Variants in MELTF observed in about 807,000 individuals in gnomAD.
MELTF encodes melanotransferrin.
In MELTF, 67 loss-of-function variants were observed where a neutral mutation model predicts 83.7. That is an observed-to-expected ratio of 0.80 (90% confidence interval 0.66 to 0.98). The LOEUF is 0.98. Ranked by LOEUF, MELTF falls within the 50% of genes least tolerant of loss-of-function variation. The pLI is 0.00. For missense variants in MELTF, 1,002 were observed against 1,035.6 expected (o/e 0.97, Z 0.44); for synonymous variants, 462 against 447.6 (o/e 1.03, Z -0.41).
Position 197,003,970 on chromosome 3 carries a change from G to T in MELTF, c.2068C>A (p.Arg690Ser). 6.2e-7 allele frequency: 1 copy of T among 1,614,170 alleles called. No individual in the cohort carries two copies. The highest frequency in any genetic ancestry group is 8.5e-7 in the Non-Finnish European group (1 of 1,180,034). ...ACGTAGTCCAGCCCCAGCCAGCCGC[G>T]GTAGGTGGTTTTCTCTCCGACAGGC... is the stretch of plus-strand genomic sequence containing the variant. ...AVPVGEKTTY[R>S]GWLGLDYVAA... Residue 690 changes from arginine (R) to serine (S), a missense_variant, in exon 15 of 16, where the codon CGC (arginine) becomes AGC (serine). By Grantham distance (110) the Arg-to-Ser change is moderately radical. Transcript: ENST00000296350. This position sits in a 1 kb window ranked among gnomAD's most constrained non-coding sequence, Gnocchi z 6.2.
At chr3:197,023,194 G>C in intron 4 of MELTF, 81 bp from the exon 5 acceptor site, 2 of 1,438,574 alleles carry the variant, frequency 1.4e-6, no homozygotes, top group Admixed American at 1.8e-5. Flanking sequence ...CAGGGGGCCC[G>C]GGCTCTCATC....
Position 197,019,720 on chromosome 3 carries a change from G to A in MELTF, c.712+1684C>T, listed in dbSNP as rs751989515. The stretch of plus-strand genomic sequence containing the variant: ...GGCTTGCCCAGCACTAGAGCGCATC[G>A]TCCTACGTGCTTCCTCGTGTGCAGG... On this transcript the variant is annotated intron_variant, in intron 6 of 15. Transcript: ENST00000296350. The A allele has an allele frequency of 3.0e-5, 48 of 1,612,810 alleles. No individual in the cohort carries two copies. The African/African-American group carries it at 3.3e-4, about 11-fold the overall frequency.
In MELTF at chr3:197,027,882, G is replaced by T; in HGVS notation, c.78C>A (p.Cys26Ter). ...TGTGCTGCTCTGGGTCCGAGGTGGC[G>T]CACCACCGCACCTCCATGCCACCGA... ...TVLGGMEVRW[C>*]ATSDPEQHKC... Residue 26 changes from cysteine (C) to a stop codon, truncating the protein, a stop_gained, in exon 2 of 16, where the codon TGC becomes TGA. Coordinates refer to ENST00000296350, the MANE Select transcript of MELTF (RefSeq NM_005929.6). LOFTEE classifies it high-confidence loss of function. 4 of 1,601,844 alleles carry T rather than the reference G, an allele frequency of 2.5e-6. No individual in the cohort carries two copies. The highest frequency in any genetic ancestry group is 2.6e-6 in the Non-Finnish European group (3 of 1,175,622).
intron 2 of MELTF, 141 bp downstream of exon 2, chr3:197,027,615 G>A (rs759645148): frequency 5.2e-5 from 58 of 1,124,776 alleles, no homozygotes; most frequent in Middle Eastern, 3.1e-4. Flanking sequence ...AGCTGGCCTC[G>A]TGGCCAGGGA....
At chr3:197,016,505 T>G in intron 7 of MELTF, 136 bp from the exon 8 acceptor site, 2 of 713,648 alleles carry the variant, frequency 2.8e-6, no homozygotes, top group Non-Finnish European at 4.5e-6. Flanking sequence ...GAGGCCTCCC[T>G]CTTCTGCGGC....
intron 10 of MELTF, among the ~76,000 whole-genome samples, chr3:197,010,110 C>T (rs1278074616): frequency 6.6e-6 from 1 of 152,228 alleles, no homozygotes; most frequent in Non-Finnish European, 1.5e-5. Context: ...GTATTTTTCT[C>T]ACTACCCAGG....
Position 197,024,351 on chromosome 3 carries a change from G to T in MELTF, c.439C>A (p.Leu147Met). The T allele has an allele frequency of 6.3e-7, 1 of 1,599,686 alleles. No homozygotes were observed. Among genetic ancestry groups the T allele is most frequent in the South Asian group, 1.1e-5 (1 of 90,412 alleles). Residue 147 changes from leucine (L) to methionine (M), a missense_variant, in exon 4 of 16, where the codon CTG (leucine) becomes ATG (methionine). By Grantham distance (15) the Leu-to-Met change is conservative (BLOSUM62 2). Transcript: ENST00000296350. The surrounding 1 kb of genome is among the most constrained non-coding windows in gnomAD (Gnocchi z 5.3). ...ACCGAGAGGCGGCCGCTCTCCACCA[G>T]GTAGCCCACGGGCACGTTCCAGCCC... ...TVGWNVPVGY[L>M]VESGRLSVMG...
rs193080432 is a variant in MELTF, at chr3:197,015,823, A to G, written c.1082-307T>C. On this transcript the variant is annotated intron_variant, in intron 8 of 15. Coordinates refer to ENST00000296350, the MANE Select transcript of MELTF (RefSeq NM_005929.6). ...TAGACTACTGCAATAGTCCAGGCGA[A>G]AGATGGCACCTGCGCCAGGGCTGTA... Among the ~76,000 whole-genome samples, 683 of 152,256 alleles carry G rather than the reference A, an allele frequency of 4.5e-3. 10 individuals are homozygous for G. The highest frequency in any genetic ancestry group is 3.4e-3 in the Middle Eastern group (1 of 294).
chr3:197,021,471 C>A lies in MELTF; in HGVS notation c.645G>T (p.Arg215=). The part of the protein sequence containing the change: ...ERYYDYSGAF[R]CLAEGAGDVA... ...CGTCCCCTGCCCCTTCCGCCAGGCA[C>A]CTGCGGAGGAGAAGCTGTGGGTCTG... Residue 215 remains arginine (R), a splice_region_variant and synonymous_variant, in exon 6 of 16, where the codon CGG becomes CGT. Coordinates refer to ENST00000296350, the MANE Select transcript of MELTF (RefSeq NM_005929.6). 1 of 1,613,718 alleles carries A rather than the reference C, an allele frequency of 6.2e-7. No individual in the cohort carries two copies. Among genetic ancestry groups the A allele is most frequent in the South Asian group, 1.1e-5 (1 of 91,072 alleles).
At chr3:197,010,252 G>A (rs557072880) in intron 10 of MELTF, among the ~76,000 whole-genome samples, 209 of 152,348 alleles carry the variant, frequency 1.4e-3, no homozygotes, top group South Asian at 0.012. Context: ...CCCAGCCCAG[G>A]CCCCTGAGAA....
At position 197,015,419 on chromosome 3, in the gene MELTF, T is replaced by C. The variant is rs9855410; in HGVS notation, c.1179A>G (p.Pro393=). Residue 393 remains proline, a synonymous_variant, in exon 9 of 16, where the codon CCA becomes CCG. Transcript: ENST00000296350. ...AVAFRRQRLK[P]EIQCVSAKSP... is the part of the protein sequence containing the mutation. ...ACTTGGCTGACACGCACTGGATCTC[T>C]GGCTTGAGCCGCTGCCGGCGGAAGG... 0.23 allele frequency: 366,416 copies of C among 1,591,918 alleles called. 43,719 individuals are homozygous for C. Among genetic ancestry groups the C allele is most frequent in the African/African-American group, 0.38 (28,312 of 74,458 alleles).
chr3:197,018,153 CCT>C lies in MELTF; in HGVS notation c.713-865_713-864del, dbSNP rs777048068. On this transcript the variant is annotated intron_variant, in intron 6 of 15. Coordinates refer to ENST00000296350, the MANE Select transcript of MELTF (RefSeq NM_005929.6). ...TTTCCTGTCTTTTGACCTCACCCCCCCTTTTTCTTTTTGAGACGGAGTCTGGC... is the reference window on the plus strand; with the variant it reads ...TTTCCTGTCTTTTGACCTCACCCCCCTTTTCTTTTTGAGACGGAGTCTGGC... Among the ~76,000 whole-genome samples the C allele has an allele frequency of 5.3e-5, 8 of 151,970 alleles. No individual in the cohort carries two copies. The East Asian group carries it at 1.2e-3, about 22-fold the overall frequency.
chr3:197,022,891 T>C lies in MELTF; in HGVS notation c.644+66A>G, dbSNP rs1577943958. On this transcript the variant is annotated intron_variant, in intron 5 of 15. Transcript: ENST00000296350. This position sits in a 1 kb window ranked among gnomAD's most constrained non-coding sequence, Gnocchi z 5.1. ...CGGCCCTCTCTGGGCAAAGGTGTTT[T>C]TCCCCAGCATTTGTGGCCTCAGCTC... The C allele has an allele frequency of 6.7e-7, 1 of 1,497,366 alleles. No individual in the cohort carries two copies. Among genetic ancestry groups the C allele is most frequent in the East Asian group, 2.3e-5 (1 of 43,782 alleles). The allele number at this position is 1,497,366 out of a possible 1,614,324, so 92.8% of individuals were successfully genotyped here. A position where few individuals can be genotyped will look rare whatever the true frequency, so the allele number is the denominator to read the frequency against.
At chr3:197,028,326 T>G in intron 1 of MELTF, 2 of 167,096 alleles carry the variant, frequency 1.2e-5, no homozygotes, top group Non-Finnish European at 2.6e-5. Flanking sequence ...TCCCTGGGCC[T>G]TCCTCATGAA....
intron 14 of MELTF, 95 bp from the exon 15 acceptor site, chr3:197,004,194 G>T: frequency 1.7e-6 from 2 of 1,156,700 alleles, no homozygotes; most frequent in Non-Finnish European, 1.3e-6. Flanking sequence ...TACATACAGT[G>T]ACCCAAAGAG....
At chr3:197,004,398 A>C in intron 14 of MELTF, 2 of 448,280 alleles carry the variant, frequency 4.5e-6, no homozygotes, top group East Asian at 4.5e-5. Context: ...AGACCCAGAA[A>C]TGAGGGATGG....
At chr3:197,027,703 C>T (rs987971549) in intron 2 of MELTF, 53 bp downstream of exon 2, 2 of 1,559,372 alleles carry the variant, frequency 1.3e-6, no homozygotes, top group South Asian at 1.2e-5. Flanking sequence ...GTTGTGTGCT[C>T]CCTCCTGAGT....
chr3:197,009,694 A>C lies in MELTF; in HGVS notation c.1449T>G (p.Pro483=), dbSNP rs200030935. The change falls in exon 11 of 16, where the codon CCT becomes CCG. Residue 483 remains proline, a synonymous_variant. Transcript: ENST00000296350. ...CACCCACGGGGACATCCCAGCCTGC[A>C]GGGCTGCCGAAACCGGCGTGGCAGG... ...KRSCHAGFGS[P]AGWDVPVGAL... The C allele has an allele frequency of 6.2e-7, 1 of 1,613,738 alleles. No individual in the cohort carries two copies. Among genetic ancestry groups the C allele is most frequent in the Non-Finnish European group, 8.5e-7 (1 of 1,180,026 alleles).
rs1384196380 is a variant in MELTF, at chr3:197,008,589, T to C, written c.1750+68A>G. On this transcript the variant is annotated intron_variant, in intron 13 of 15. Transcript: ENST00000296350. This position sits in a 1 kb window ranked among gnomAD's most constrained non-coding sequence, Gnocchi z 5.4. ...CTTGGCCCCAGCCCAGCATGGTGTC[T>C]GGATGGTGCTGAAGATGGGGAACAG... 4 of 1,530,448 alleles carry C rather than the reference T, an allele frequency of 2.6e-6. No individual in the cohort carries two copies. The highest frequency in any genetic ancestry group is 3.6e-6 in the Non-Finnish European group (4 of 1,118,990). 94.8% of individuals were successfully genotyped at this position (1,530,448 alleles called of 1,614,324 possible). A position where few individuals can be genotyped will look rare whatever the true frequency, so the allele number is the denominator to read the frequency against.
Sources: gnomAD v4.1 joint callset for allele counts (sites outside exome capture counted in the v4.1 genomes callset) on GRCh38, gnomAD v4.1.1 for gene constraint, Gnocchi (gnomAD v3.1) non-coding constraint, MANE v1.5 for transcripts, NCBI Gene and HGNC (gene_info 2026-07-23, HGNC 2026-07-21) for gene names.